Variants in RNASEH2B observed in about 807,000 individuals in gnomAD.
RNASEH2B encodes the protein ribonuclease H2 subunit B.
In RNASEH2B, 36 loss-of-function variants were observed where a neutral mutation model predicts 45.0. The observed-to-expected ratio is 0.80, with a 90% CI of 0.61 to 1.06. The LOEUF is 1.06. Ranked by LOEUF, RNASEH2B falls within the 50% of genes least tolerant of loss-of-function variation. The pLI, the probability that RNASEH2B is intolerant of heterozygous loss-of-function variation, is 0.00. For synonymous variants in RNASEH2B, 119 were observed against 125.7 expected, an observed-to-expected ratio of 0.95 and a Z score of 0.35; for missense variants, 361 against 360.3, an observed-to-expected ratio of 1.00 and a Z score of -0.02.
chr13:50,931,070 T>C (rs1951676378), intron 4 of RNASEH2B, among the ~76,000 whole-genome samples: 1 of 152,206 alleles, frequency 6.6e-6, no homozygotes, highest in South Asian at 2.1e-4. Context: ...TCATTAAGTA[T>C]TCCTTACACT....
At chr13:50,949,006 A>C (rs1332687292) in intron 8 of RNASEH2B, 1 of 160,592 alleles carries the variant, frequency 6.2e-6, no homozygotes, top group Non-Finnish European at 1.4e-5. Flanking sequence ...TTCCACTAAC[A>C]TTTTTAAGTT....
At position 50,910,043 on chromosome 13, in the gene RNASEH2B, C is replaced by T; in HGVS notation, c.-34C>T. 2 of 1,465,674 alleles carry T rather than the reference C, an allele frequency of 1.4e-6. No individual in the cohort carries two copies. The highest frequency in any genetic ancestry group is 2.2e-4 in the Middle Eastern group (1 of 4,462). The allele number at this position is 1,465,674 out of a possible 1,614,324, so 90.8% of individuals were successfully genotyped here. A position where few individuals can be genotyped will look rare whatever the true frequency, so the allele number is the denominator to read the frequency against. ...GGCTGGGAGACTGAGGCCCGCGGCG[C>T]TGAGCCTGCGGCGCCCCGGAAGAGG... On this transcript the variant is annotated 5_prime_UTR_variant, in exon 1 of 11. Coordinates refer to ENST00000336617, the MANE Select transcript of RNASEH2B (RefSeq NM_024570.4).
chr13:50,965,075 C>T (rs966249315), intron 9 of RNASEH2B, among the ~76,000 whole-genome samples: 7 of 152,180 alleles, frequency 4.6e-5, no homozygotes, highest in South Asian at 2.1e-4. Context: ...ACTGCATATG[C>T]GATGGTGGTC....
intron 9 of RNASEH2B, among the ~76,000 whole-genome samples, chr13:50,969,428 C>T (rs1952197651): frequency 6.7e-6 from 1 of 150,166 alleles, no homozygotes; most frequent in South Asian, 2.1e-4. Context: ...TTAGGTGCTA[C>T]TACTTCTATC....
At position 50,929,291 on chromosome 13, in the gene RNASEH2B, A is replaced by G. The variant is rs1951645269; in HGVS notation, c.137-184A>G. Among the ~76,000 whole-genome samples the G allele has an allele frequency of 7.9e-5, 12 of 152,344 alleles. 1 individual carries two copies. The South Asian group carries it at 2.5e-3, about 32-fold the overall frequency. ...GTCCAGTGAGGATTATGGAGCTGGA[A>G]AACTACCATCTATGTATAATAGCTG... On this transcript the variant is annotated intron_variant, in intron 2 of 10. Coordinates refer to ENST00000336617, the MANE Select transcript of RNASEH2B (RefSeq NM_024570.4).
intron 4 of RNASEH2B, among the ~76,000 whole-genome samples, chr13:50,931,978 A>ACACG (rs1421614104): frequency 6.6e-6 from 1 of 151,698 alleles, no homozygotes; most frequent in East Asian, 1.9e-4. Context: ...ACACACACAC[A>ACACG]CACACTCCCT....
chr13:50,945,873 C>A (rs1445730796), intron 7 of RNASEH2B, among the ~76,000 whole-genome samples: 1 of 152,166 alleles, frequency 6.6e-6, no homozygotes, highest in East Asian at 1.9e-4. Flanking sequence ...CCAACCCTCC[C>A]AGTAAATTTC....
Position 50,947,472 on chromosome 13 carries a change from T to C in RNASEH2B, c.617-515T>C, listed in dbSNP as rs150224424. Among the ~76,000 whole-genome samples the C allele has an allele frequency of 1.9e-3, 283 of 151,966 alleles. 1 individual carries two copies. Among genetic ancestry groups the C allele is most frequent in the African/African-American group, 6.3e-3 (262 of 41,500 alleles). On this transcript the variant is annotated intron_variant, in intron 7 of 10. Coordinates refer to ENST00000336617, the MANE Select transcript of RNASEH2B (RefSeq NM_024570.4). ...CAATATGTATGTATAGAACTATATA[T>C]ATATATTTCAGGGTTCTTATAAAGC... is the stretch of plus-strand genomic sequence containing the variant.
At chr13:50,911,378 A>C (rs1223329532) in intron 1 of RNASEH2B, 1 of 152,260 alleles carries the variant, frequency 6.6e-6, no homozygotes, top group Non-Finnish European at 1.5e-5. Context: ...ATGAGTATCC[A>C]TACTATGTAT....
rs113527942 is a variant in RNASEH2B at position 50,956,325 on chromosome 13, A to G, written c.823-33A>G. 4.2e-4 allele frequency: 624 copies of G among 1,502,178 alleles called. 3 individuals are homozygous for G. The African/African-American group carries it at 7.1e-3, about 17-fold the overall frequency. The allele number at this position is 1,502,178 out of a possible 1,614,324, so 93.1% of individuals were successfully genotyped here. On this transcript the variant is annotated intron_variant, in intron 10 of 10. Coordinates refer to ENST00000336617, the MANE Select transcript of RNASEH2B (RefSeq NM_024570.4). ...TATATGATTAATAAATGTTACATTCATAACAATTTTTCTCTCTTATTTTCA... is the reference window on the plus strand; with the variant it reads ...TATATGATTAATAAATGTTACATTCGTAACAATTTTTCTCTCTTATTTTCA...
chr13:50,929,708 A>G, intron 3 of RNASEH2B, 126 bp downstream of exon 3: 1 of 702,986 alleles, frequency 1.4e-6, no homozygotes. Flanking sequence ...CTTCCTTGGC[A>G]TGAGAGCAGG....
At chr13:50,927,642 A>G (rs1428326458) in intron 2 of RNASEH2B, among the ~76,000 whole-genome samples, 164 bp downstream of exon 2, 1 of 152,220 alleles carries the variant, frequency 6.6e-6, no homozygotes, top group Non-Finnish European at 1.5e-5. Flanking sequence ...CTTCCCAGAT[A>G]ATTCATTTGA....
In RNASEH2B at chr13:50,948,031, C is replaced by G. The variant is rs777655486; in HGVS notation, c.661C>G (p.Pro221Ala). ...CCATGGTCTGATATCTGACTACATCCCTAAAGAATTAAGTGATGACTTATC... is the reference window on the plus strand; with the variant it reads ...CCATGGTCTGATATCTGACTACATCGCTAAAGAATTAAGTGATGACTTATC... ...YAHGLISDYIPKELSDDLSKY... is the reference protein window; with the variant it reads ...YAHGLISDYIAKELSDDLSKY... The change falls in exon 8 of 11, where the codon CCT (proline) becomes GCT (alanine). Residue 221 changes from proline (P) to alanine (A), a missense_variant. Physicochemically the swap from Pro to Ala is conservative, Grantham distance 27. Coordinates refer to ENST00000336617, the MANE Select transcript of RNASEH2B (RefSeq NM_024570.4). 1.2e-6 allele frequency: 2 copies of G among 1,611,512 alleles called. No individual in the cohort carries two copies. The highest frequency in any genetic ancestry group is 1.1e-5 in the South Asian group (1 of 91,034).
rs73186383 is a variant in RNASEH2B, at chr13:50,961,766, C to T, written c.742-8166C>T. Among the ~76,000 whole-genome samples, 1,053 of 152,166 alleles carry T rather than the reference C, an allele frequency of 6.9e-3. 7 individuals carry two copies. The highest frequency in any genetic ancestry group is 0.033 in the South Asian group (159 of 4,818). ...CACACACATATATACACTATATACT[C>T]GTATCAACATTTCTAAATCTATCCA... On this transcript the variant is annotated intron_variant, in intron 9 of 9. Coordinates refer to the RNASEH2B transcript ENST00000422660.
At chr13:50,915,635 A>G (rs1879697569) in intron 1 of RNASEH2B, among the ~76,000 whole-genome samples, 1 of 152,220 alleles carries the variant, frequency 6.6e-6, no homozygotes, top group Non-Finnish European at 1.5e-5. Context: ...CAGTGTGGGC[A>G]CCTCAGCCTT....
exon 10 of RNASEH2B, chr13:50,970,061 G>A (rs1054076907): frequency 2.3e-5 from 27 of 1,168,872 alleles, no homozygotes; most frequent in Admixed American, 1.2e-4. Flanking sequence ...TTGGAAAATC[G>A]CCAGGTGCCA....
intron 1 of RNASEH2B, among the ~76,000 whole-genome samples, chr13:50,917,435 GTT>G (rs914330155): frequency 2.6e-5 from 4 of 152,224 alleles, no homozygotes; most frequent in South Asian, 2.1e-4. Context: ...TTGGGTTCTA[GTT>G]GTAACTTGTA....
chr13:50,927,664 T>A (rs1951618400), intron 2 of RNASEH2B, among the ~76,000 whole-genome samples, 186 bp downstream of exon 2: 1 of 152,202 alleles, frequency 6.6e-6, no homozygotes, highest in Non-Finnish European at 1.5e-5. Flanking sequence ...TTAAACATTT[T>A]AAAAATTTCT....
chr13:50,951,329 A>G (rs928792594), intron 9 of RNASEH2B: 55 of 152,332 alleles, frequency 3.6e-4, no homozygotes, highest in African/African-American at 1.2e-3. Context: ...ACAGTAATAT[A>G]GTTGACTGTT....
Sources: allele counts gnomAD v4.1 joint callset (sites outside exome capture counted in the v4.1 genomes callset), GRCh38; gene constraint gnomAD v4.1.1; transcripts MANE v1.5; gene names NCBI Gene and HGNC (gene_info 2026-07-23, HGNC 2026-07-21).